The following MARCO variants were observed in gnomAD, a reference collection of about 807,000 sequenced individuals.
MARCO encodes the protein macrophage receptor with collagenous structure, also known as macrophage receptor MARCO.
In MARCO, 72 loss-of-function variants were observed where a neutral mutation model predicts 70.0. The observed-to-expected ratio is 1.03, with a 90% CI of 0.85 to 1.25. MARCO has a LOEUF of 1.25. MARCO is among the 50% of genes most tolerant of loss of function. The probability of loss-of-function intolerance (pLI) is 0.00; values close to 1 mark genes in which losing one functional copy is unlikely to be tolerated. For synonymous variants in MARCO, 273 were observed against 243.1 expected, an observed-to-expected ratio of 1.12 and a Z score of -1.14; for missense variants, 696 against 659.3, an observed-to-expected ratio of 1.06 and a Z score of -0.61.
chr2:118,981,159 C>T (rs1430006853), intron 8 of MARCO, among the ~76,000 whole-genome samples: 1 of 152,014 alleles, frequency 6.6e-6, no homozygotes, highest in African/African-American at 2.4e-5. Flanking sequence ...CCCAAGGGGA[C>T]CAGGGCTTTC....
chr2:118,967,965 T>C (rs1680087572), intron 1 of MARCO, among the ~76,000 whole-genome samples: 1 of 152,190 alleles, frequency 6.6e-6, no homozygotes, highest in Non-Finnish European at 1.5e-5. Context: ...AGCTCAGGCC[T>C]TGAAGCTAGA....
intron 1 of MARCO, among the ~76,000 whole-genome samples, chr2:118,957,022 A>G (rs946319293): frequency 8.2e-4 from 124 of 152,022 alleles, no homozygotes; most frequent in Non-Finnish European, 3.1e-4. Flanking sequence ...CATACTCCTA[A>G]AGATCTACAT....
intron 1 of MARCO, among the ~76,000 whole-genome samples, chr2:118,942,904 A>G (rs934602758): frequency 1.3e-5 from 2 of 152,244 alleles, no homozygotes; most frequent in South Asian, 2.1e-4. Context: ...TCATAGCTTC[A>G]TAATTAGTTT....
chr2:118,966,480 A>G lies in MARCO; in HGVS notation c.98-2680A>G, dbSNP rs181559733. On this transcript the variant is annotated intron_variant, in intron 1 of 16. Transcript: ENST00000327097. ...CTTCATCAGACCCTCCATTTTGTAC[A>G]GAATGAGTTATATAGGTCTACAGGC... Among the ~76,000 whole-genome samples, 249 of 152,298 alleles carry G rather than the reference A, an allele frequency of 1.6e-3. 1 individual carries two copies. The highest frequency in any genetic ancestry group is 5.7e-3 in the African/African-American group (235 of 41,568).
At chr2:118,956,694 C>CTATGTG (rs1679844169) in intron 1 of MARCO, among the ~76,000 whole-genome samples, 2 of 152,168 alleles carry the variant, frequency 1.3e-5, no homozygotes, top group African/African-American at 4.8e-5. Context: ...AATACACATT[C>CTATGTG]TATTCAACAG....
chr2:118,993,014 G>A (rs1680651259), intron 15 of MARCO, 110 bp from the exon 16 acceptor site: 3 of 969,900 alleles, frequency 3.1e-6, no homozygotes, highest in Non-Finnish European at 4.7e-6. Flanking sequence ...TCAAGCAGGG[G>A]CATTTCTTTT....
At chr2:118,976,024 G>T (rs573565616) in intron 6 of MARCO, among the ~76,000 whole-genome samples, 1 of 152,082 alleles carries the variant, frequency 6.6e-6, no homozygotes, top group Non-Finnish European at 1.5e-5. Context: ...AGGGACTCAG[G>T]CTAGGTGACT....
Position 118,981,481 on chromosome 2 carries a change from G to A in MARCO, c.839G>A (p.Gly280Asp), listed in dbSNP as rs1294337229. 16 of 1,600,916 alleles carry A rather than the reference G, an allele frequency of 1.0e-5. No homozygotes were observed. Among genetic ancestry groups the A allele is most frequent in the Non-Finnish European group, 1.4e-5 (16 of 1,177,010 alleles). ...MGPPGAQGSK[G>D]DFGRPGPPGL... is the part of the protein sequence containing the mutation. ...CCTCCTGGAGCCCAGGGGAGTAAAG[G>A]TGACTTCGGGAGGCCAGGCCCACCA... Residue 280 changes from glycine to aspartate, a missense_variant, in exon 9 of 17, where the codon GGT becomes GAT. Gly to Asp is a moderately conservative substitution (Grantham distance 94). This residue lies in a region of MARCO where 605 missense variants were observed against 537.6 expected (regional missense o/e 1.13). Coordinates refer to ENST00000327097, the MANE Select transcript of MARCO (RefSeq NM_006770.4).
At chr2:118,945,030 T>A (rs1398185259) in intron 1 of MARCO, 3 of 152,136 alleles carry the variant, frequency 2.0e-5, no homozygotes, top group African/African-American at 7.2e-5. Flanking sequence ...GATATATGTA[T>A]CCATGGATGA....
At chr2:118,990,044 CTG>C (rs1201665402) in intron 12 of MARCO, among the ~76,000 whole-genome samples, 2 of 152,174 alleles carry the variant, frequency 1.3e-5, no homozygotes, top group Admixed American at 6.5e-5. Context: ...TCATCAATGA[CTG>C]TGGTTATTAT....
intron 14 of MARCO, among the ~76,000 whole-genome samples, 158 bp from the exon 15 acceptor site, chr2:118,992,274 C>T (rs995702037): frequency 5.3e-5 from 8 of 152,116 alleles, no homozygotes; most frequent in Admixed American, 1.3e-4. Flanking sequence ...CATTGACACC[C>T]GCAGGACATC....
chr2:118,982,560 C>G (rs1680414984), intron 12 of MARCO, 150 bp downstream of exon 12: 4 of 739,756 alleles, frequency 5.4e-6, no homozygotes, highest in Non-Finnish European at 9.4e-6. Context: ...GCAGTTGCCC[C>G]TGCCAGGACC....
chr2:118,992,915 C>G (rs1479271021), intron 15 of MARCO: 2 of 541,546 alleles, frequency 3.7e-6, no homozygotes, highest in African/African-American at 3.8e-5. Flanking sequence ...GCCCCTGTGG[C>G]CTTGTGCCTG....
chr2:118,991,016 C>G (rs1038466758), intron 13 of MARCO, among the ~76,000 whole-genome samples: 7 of 152,258 alleles, frequency 4.6e-5, no homozygotes, highest in Admixed American at 2.0e-4. Flanking sequence ...CCACTTGTCT[C>G]TTCTTGGCCC....
At position 118,982,231 on chromosome 2, in the gene MARCO, G is replaced by A. The variant is rs1444010939; in HGVS notation, c.977G>A (p.Ser326Asn). Reference sequence around the variant, plus strand: ...CCAGGTGCCAAGGGTGAGCCTGGCAGTGCTGGCTCCCCTGGGCGAGCAGGT... The same window carrying A: ...CCAGGTGCCAAGGGTGAGCCTGGCAATGCTGGCTCCCCTGGGCGAGCAGGT... ...GHPGAKGEPG[S>N]AGSPGRAGLP... The change falls in exon 11 of 17, where the codon AGT (serine) becomes AAT (asparagine). Residue 326 changes from serine (S) to asparagine (N), a missense_variant. By Grantham distance (46) the Ser-to-Asn change is conservative (BLOSUM62 1). This residue lies in a region of MARCO where 605 missense variants were observed against 537.6 expected (regional missense o/e 1.13). Coordinates refer to ENST00000327097, the MANE Select transcript of MARCO (RefSeq NM_006770.4). 2 of 1,613,196 alleles carry A rather than the reference G, an allele frequency of 1.2e-6. No individual in the cohort carries two copies. The highest frequency in any genetic ancestry group is 1.1e-5 in the South Asian group (1 of 91,028).
At chr2:118,974,715 G>A in intron 6 of MARCO, 150 bp downstream of exon 6, 1 of 797,166 alleles carries the variant, frequency 1.3e-6, no homozygotes, top group Non-Finnish European at 2.0e-6. Context: ...CAGAGGGGAT[G>A]AGAGGCTGGG....
chr2:118,945,901 C>A (rs145556357), intron 1 of MARCO, among the ~76,000 whole-genome samples: 1 of 152,230 alleles, frequency 6.6e-6, no homozygotes, highest in Non-Finnish European at 1.5e-5. Flanking sequence ...TCCTTTCTTC[C>A]CACCCTTAAC....
intron 1 of MARCO, among the ~76,000 whole-genome samples, chr2:118,942,928 C>T (rs562131375): frequency 1.3e-5 from 2 of 152,310 alleles, no homozygotes; most frequent in South Asian, 2.1e-4. Flanking sequence ...TTAGGTTAAA[C>T]TCAGGTCTGT....
intron 1 of MARCO, among the ~76,000 whole-genome samples, chr2:118,959,807 C>A (rs1373083766): frequency 6.6e-6 from 1 of 152,166 alleles, no homozygotes; most frequent in Non-Finnish European, 1.5e-5. Flanking sequence ...GAATTAACAG[C>A]ATTTTCAGTG....
Sources: gnomAD v4.1 joint callset for allele counts (sites outside exome capture counted in the v4.1 genomes callset) on GRCh38, gnomAD v4.1.1 for gene constraint, gnomAD v4.1.1 regional missense constraint, MANE v1.5 for transcripts, NCBI Gene and HGNC (gene_info 2026-07-23, HGNC 2026-07-21) for gene names.